BST1: variants seen among roughly 807,000 people sequenced by gnomAD.
BST1 encodes the protein ADP-ribosyl cyclase/cyclic ADP-ribose hydrolase 2.
In BST1, 49 loss-of-function variants were observed where a neutral mutation model predicts 40.6. The observed-to-expected ratio is 1.21, with a 90% CI of 0.96 to 1.53. The LOEUF (loss-of-function observed/expected upper bound fraction) is 1.53. BST1 is among the 40% of genes most tolerant of loss of function. The pLI, the probability that BST1 is intolerant of heterozygous loss-of-function variation, is 0.00. For synonymous variants in BST1, 157 were observed against 159.3 expected, an observed-to-expected ratio of 0.99 and a Z score of 0.11; for missense variants, 423 against 395.9, an observed-to-expected ratio of 1.07 and a Z score of -0.58.
chr4:15,761,656 T>A, the BST1 span, among the ~76,000 whole-genome samples: 1 of 151,982 alleles, frequency 6.6e-6, no homozygotes, highest in East Asian at 1.9e-4. Flanking sequence ...GTGCTTGAGC[T>A]TGCATGATGG....
Position 15,731,925 on chromosome 4 carries a change from A to G in BST1, c.*80A>G. The stretch of plus-strand genomic sequence containing the variant: ...CATCATTCGTGTTCTGTGTATACCA[A>G]ATGATTCTGTTATCTAAAGAAGCTT... On this transcript the variant is annotated 3_prime_UTR_variant, in exon 9 of 9. Coordinates refer to ENST00000265016, the MANE Select transcript of BST1 (RefSeq NM_004334.3). 2.1e-6 allele frequency: 3 copies of G among 1,459,252 alleles called. No homozygotes were observed. The highest frequency in any genetic ancestry group is 1.4e-5 in the South Asian group (1 of 69,384). 90.4% of individuals were successfully genotyped at this position (1,459,252 alleles called of 1,614,324 possible).
Position 15,731,837 on chromosome 4 carries a change from C to T in BST1, c.949C>T (p.Gln317Ter). The change falls in exon 9 of 9, where the codon CAA becomes TAA. Residue 317 changes from glutamine (Q) to a stop codon, truncating the protein, a stop_gained. Transcript: ENST00000265016. LOFTEE classifies it high-confidence loss of function. ...CTTTCTGGTGCTGGCTTCCAGGACT[C>T]AACTGTAACTGGAAACTGTGTTGCT... ...PLFLVLASRT[Q>*]L 6.2e-7 allele frequency: 1 copy of T among 1,612,732 alleles called. No homozygotes were observed.
At position 15,723,631 on chromosome 4, in the gene BST1, C is replaced by T; in HGVS notation, c.851+697C>T. 6.1e-6 allele frequency: 6 copies of T among 981,646 alleles called. No homozygotes were observed. In the South Asian group the frequency reaches 2.8e-4, roughly 46 times the overall value. The allele number at this position is 981,646 out of a possible 1,614,324, so 60.8% of individuals were successfully genotyped here. A position where few individuals can be genotyped will look rare whatever the true frequency, so the allele number is the denominator to read the frequency against. On this transcript the variant is annotated intron_variant, in intron 8 of 8. Transcript: ENST00000265016. Reference sequence around the variant, plus strand: ...ATAGTAGTTGTTTTGCTATTATAAACAATGCTGAAATATAATCCTTGATTA... The same window carrying T: ...ATAGTAGTTGTTTTGCTATTATAAATAATGCTGAAATATAATCCTTGATTA...
At chr4:15,711,156 C>T (rs1271239006) in intron 3 of BST1, among the ~76,000 whole-genome samples, 2 of 152,084 alleles carry the variant, frequency 1.3e-5, no homozygotes, top group Admixed American at 6.5e-5. Flanking sequence ...TGAATAATGC[C>T]ATTAATATCA....
chr4:15,759,599 T>A, the BST1 span, among the ~76,000 whole-genome samples: 1 of 151,880 alleles, frequency 6.6e-6, no homozygotes, highest in Non-Finnish European at 1.5e-5. Context: ...TTCTCTTCCA[T>A]CCCCTTTCTT....
At chr4:15,707,883 A>C (rs577099546) in intron 3 of BST1, among the ~76,000 whole-genome samples, 1 of 148,944 alleles carries the variant, frequency 6.7e-6, no homozygotes, top group South Asian at 2.1e-4. Flanking sequence ...ATACACATAT[A>C]TATACACATA....
At chr4:15,725,410 C>T (rs1721044474) in intron 8 of BST1, among the ~76,000 whole-genome samples, 1 of 152,178 alleles carries the variant, frequency 6.6e-6, no homozygotes, top group Admixed American at 6.5e-5. Context: ...TAATGCTATT[C>T]GTTCCCTGTG....
intron 8 of BST1, among the ~76,000 whole-genome samples, chr4:15,727,003 C>T (rs1328714795): frequency 1.1e-4 from 17 of 151,608 alleles, no homozygotes; most frequent in Admixed American, 1.1e-3. Context: ...CCCGAGTTTT[C>T]CTCAGTATTT....
intron 1 of BST1, 42 bp from the exon 2 acceptor site, chr4:15,705,473 A>G: frequency 6.5e-7 from 1 of 1,529,406 alleles, no homozygotes; most frequent in East Asian, 2.3e-5. Flanking sequence ...ACACATTATG[A>G]TGTGCATGTG....
downstream of BST1, among the ~76,000 whole-genome samples, chr4:15,738,522 T>C (rs1305021875): frequency 6.6e-6 from 1 of 152,026 alleles, no homozygotes; most frequent in Non-Finnish European, 1.5e-5. Flanking sequence ...CTAAAAACAT[T>C]CCTAAATATT....
At position 15,726,774 on chromosome 4, in the gene BST1, A is replaced by T. The variant is rs1721135620; in HGVS notation, c.851+3840A>T. Among the ~76,000 whole-genome samples the T allele has an allele frequency of 2.0e-5, 3 of 152,296 alleles. No homozygotes were observed. The South Asian group carries it at 6.2e-4, about 32-fold the overall frequency. ...CTACACCACCATTCCTGAAATGGGC[A>T]AATGGTGCCATCCTAGCACCAGTGC... On this transcript the variant is annotated intron_variant, in intron 8 of 8. Coordinates refer to ENST00000265016, the MANE Select transcript of BST1 (RefSeq NM_004334.3).
the BST1 span, among the ~76,000 whole-genome samples, chr4:15,750,581 C>G: frequency 6.6e-6 from 1 of 152,132 alleles, no homozygotes; most frequent in African/African-American, 2.4e-5. Flanking sequence ...GTATGGTAGC[C>G]ACAAAATACT....
chr4:15,715,871 G>T, intron 6 of BST1, 72 bp downstream of exon 6: 3 of 1,158,538 alleles, frequency 2.6e-6, no homozygotes, highest in Non-Finnish European at 3.6e-6. Context: ...GATAAAGTTC[G>T]TTTAACATTT....
chr4:15,715,622 T>A, intron 5 of BST1, 85 bp from the exon 6 acceptor site: 1 of 1,038,344 alleles, frequency 9.6e-7, no homozygotes, highest in South Asian at 1.7e-5. Flanking sequence ...CTCTTTATTT[T>A]TTTTTAAGAA....
At chr4:15,718,062 G>A (rs1001186273) in intron 6 of BST1, among the ~76,000 whole-genome samples, 1 of 152,162 alleles carries the variant, frequency 6.6e-6, no homozygotes, top group African/African-American at 2.4e-5. Context: ...GCTTTACCCT[G>A]CTCCTGCCAG....
downstream of BST1, chr4:15,743,310 A>G (rs1011618369): frequency 2.1e-5 from 7 of 336,910 alleles, no homozygotes; most frequent in Non-Finnish European, 3.5e-5. Context: ...ACAGCTAAAC[A>G]GAACAAAAAA....
At chr4:15,708,812 A>C (rs1001861343) in intron 3 of BST1, among the ~76,000 whole-genome samples, 3 of 152,094 alleles carry the variant, frequency 2.0e-5, no homozygotes, top group African/African-American at 7.2e-5. Context: ...ACCCTGGAGA[A>C]GGAGGTTGCA....
downstream of BST1, among the ~76,000 whole-genome samples, chr4:15,741,792 G>A (rs575549352): frequency 4.0e-4 from 61 of 152,272 alleles, no homozygotes; most frequent in African/African-American, 1.4e-3. Context: ...GTTGAGCAGT[G>A]GCAACAGAGG....
At chr4:15,769,579 T>C in the BST1 span, among the ~76,000 whole-genome samples, 1 of 152,006 alleles carries the variant, frequency 6.6e-6, no homozygotes, top group Non-Finnish European at 1.5e-5. Flanking sequence ...GGTATTGGAG[T>C]CTGGGCTCTG....
Sources: allele counts gnomAD v4.1 joint callset (sites outside exome capture counted in the v4.1 genomes callset), GRCh38; gene constraint gnomAD v4.1.1; transcripts MANE v1.5; gene names NCBI Gene and HGNC (gene_info 2026-07-23, HGNC 2026-07-21).